The following CLUAP1 variants were observed in gnomAD, a reference collection of about 807,000 sequenced individuals.
The protein encoded by CLUAP1 is clusterin-associated protein 1.
A neutral mutation model predicts 55.0 loss-of-function variants in CLUAP1; 50 were observed. The observed-to-expected ratio is 0.91, with a 90% CI of 0.72 to 1.15. The LOEUF (loss-of-function observed/expected upper bound fraction) is 1.15. CLUAP1 is among the 50% of genes most tolerant of loss of function. The probability of loss-of-function intolerance (pLI) is 0.00; values close to 1 mark genes in which losing one functional copy is unlikely to be tolerated. For missense variants in CLUAP1, 530 were observed against 507.6 expected (o/e 1.04, Z -0.42); for synonymous variants, 195 against 175.4 (o/e 1.11, Z -0.88).
chr16:3,529,633 T>A (rs762409232), intron 9 of CLUAP1, among the ~76,000 whole-genome samples: 197 of 12,306 alleles, frequency 0.016, 8 homozygotes, highest in African/African-American at 0.056. Flanking sequence ...ATATTATATA[T>A]TATTATATAT....
At chr16:3,499,216 G>A (rs2037343168), upstream of CLUAP1, among the ~76,000 whole-genome samples, 1 of 152,220 alleles carries the variant, frequency 6.6e-6, no homozygotes, top group Non-Finnish European at 1.5e-5. Flanking sequence ...GCGGTGGCGC[G>A]CGTCTGTAAT....
chr16:3,533,489 G>C (rs904695131), intron 11 of CLUAP1: 20 of 310,192 alleles, frequency 6.4e-5, no homozygotes, highest in African/African-American at 4.2e-4. Flanking sequence ...ACTGTCCCCA[G>C]ACCAGGCCCT....
In CLUAP1 at chr16:3,538,646, G is replaced by A. The variant is rs1321372694; in HGVS notation, c.*2375G>A. The A allele has an allele frequency of 1.3e-5, 2 of 152,184 alleles. No individual in the cohort carries two copies. Among genetic ancestry groups the A allele is most frequent in the Non-Finnish European group, 2.9e-5 (2 of 68,050 alleles). The allele number at this position is 152,184 out of a possible 1,614,324, so 9.4% of individuals were successfully genotyped here. ...CAGACATAGGCAACAGCTCCAAAGG[G>A]TATTTCATTGTGTCACCTGCTTCTA... On this transcript the variant is annotated 3_prime_UTR_variant, in exon 12 of 12. Coordinates refer to ENST00000576634, the MANE Select transcript of CLUAP1 (RefSeq NM_015041.3).
chr16:3,498,863 AAAACAAAC>A (rs201830529), upstream of CLUAP1, among the ~76,000 whole-genome samples: 92 of 151,530 alleles, frequency 6.1e-4, no homozygotes, highest in African/African-American at 2.0e-3. Context: ...TCCATCTCAA[AAAACAAAC>A]AAACAAACAA....
chr16:3,523,658 T>G (rs1230543172), intron 8 of CLUAP1, among the ~76,000 whole-genome samples: 1 of 152,234 alleles, frequency 6.6e-6, no homozygotes, highest in African/African-American at 2.4e-5. Context: ...TGCATTTTAT[T>G]TTCCACTGAT....
chr16:3,503,422 C>T (rs2037445772), intron 1 of CLUAP1, among the ~76,000 whole-genome samples: 1 of 152,218 alleles, frequency 6.6e-6, no homozygotes, highest in South Asian at 2.1e-4. Flanking sequence ...CTCGGCCTCC[C>T]AGAGTGCTGG....
chr16:3,533,170 C>G, intron 11 of CLUAP1: 1 of 1,535,044 alleles, frequency 6.5e-7, no homozygotes, highest in African/African-American at 1.4e-5. Flanking sequence ...GTTTTCTGTT[C>G]TGCCTCATGT....
chr16:3,511,895 A>G (rs753356960), intron 4 of CLUAP1, among the ~76,000 whole-genome samples: 1 of 152,138 alleles, frequency 6.6e-6, no homozygotes, highest in Non-Finnish European at 1.5e-5. Flanking sequence ...CATGTTAAAA[A>G]TCTGTGGCTG....
chr16:3,513,034 A>T (rs1324775636), intron 5 of CLUAP1, among the ~76,000 whole-genome samples: 5 of 152,170 alleles, frequency 3.3e-5, no homozygotes, highest in Admixed American at 3.3e-4. Flanking sequence ...CATGTGACTG[A>T]GCTGTCCTTG....
At chr16:3,505,862 T>G (rs1449719255) in intron 2 of CLUAP1, among the ~76,000 whole-genome samples, 1 of 152,272 alleles carries the variant, frequency 6.6e-6, no homozygotes, top group African/African-American at 2.4e-5. Context: ...AGATCTCTAT[T>G]GCGTCTCTTC....
chr16:3,531,876 C>T (rs1010048158), intron 10 of CLUAP1, among the ~76,000 whole-genome samples: 1 of 151,490 alleles, frequency 6.6e-6, no homozygotes, highest in African/African-American at 2.4e-5. Context: ...CAAAGTCTCG[C>T]TCTTGGTCCC....
chr16:3,529,652 ATTATATATTATATATTAT>A (rs2038047776), intron 9 of CLUAP1, among the ~76,000 whole-genome samples: 1 of 21,042 alleles, frequency 4.8e-5, no homozygotes, highest in Non-Finnish European at 6.3e-5. Flanking sequence ...ATTATATATT[ATTATATATTATATATTAT>A]TATATATTAT....
chr16:3,504,390 C>A (rs1233174550), intron 1 of CLUAP1, among the ~76,000 whole-genome samples: 1 of 152,170 alleles, frequency 6.6e-6, no homozygotes, highest in Non-Finnish European at 1.5e-5. Context: ...TTCTTCATGA[C>A]ATTTTATAAG....
At chr16:3,514,740 G>C (rs1386481253) in intron 5 of CLUAP1, among the ~76,000 whole-genome samples, 1 of 152,172 alleles carries the variant, frequency 6.6e-6, no homozygotes, top group Admixed American at 6.5e-5. Flanking sequence ...CAGGGGTGAG[G>C]GATCTCCCCA....
intron 11 of CLUAP1, chr16:3,534,249 A>C (rs2038186981): frequency 6.6e-6 from 1 of 152,568 alleles, no homozygotes; most frequent in Non-Finnish European, 1.5e-5. Context: ...GGGAACAAGG[A>C]GGGGGTGGCG....
intron 6 of CLUAP1, among the ~76,000 whole-genome samples, chr16:3,519,572 C>T (rs765571384): frequency 2.8e-4 from 43 of 152,234 alleles, no homozygotes; most frequent in Non-Finnish European, 2.2e-4. Flanking sequence ...GAGTGATGTG[C>T]ACCTTGTTCT....
At chr16:3,532,651 C>A in intron 10 of CLUAP1, 135 bp from the exon 11 acceptor site, 2 of 837,116 alleles carry the variant, frequency 2.4e-6, no homozygotes, top group East Asian at 2.6e-5. Flanking sequence ...CTCCTGGCCT[C>A]CTGTCTCAGC....
intron 10 of CLUAP1, 118 bp from the exon 11 acceptor site, chr16:3,532,668 A>G (rs2038148924): frequency 1.9e-6 from 2 of 1,041,968 alleles, no homozygotes; most frequent in African/African-American, 1.6e-5. Context: ...CAGCCTCCCA[A>G]ATTCCTGGGA....
rs1596397648 is a variant in CLUAP1, at chr16:3,523,245, T to C, written c.801T>C (p.Thr267=). ...DTYLEKFQNL[T]YLEQQLEDHH... is the part of the protein sequence containing the mutation. ...ATCTGGAGAAATTTCAAAATCTGACTTATCTGGAACAACAGCTTGAAGACC... is the reference window on the plus strand; with the variant it reads ...ATCTGGAGAAATTTCAAAATCTGACCTATCTGGAACAACAGCTTGAAGACC... The change falls in exon 8 of 12, where the codon ACT becomes ACC. Residue 267 remains threonine, a synonymous_variant. Transcript: ENST00000576634. 1 of 1,613,982 alleles carries C rather than the reference T, an allele frequency of 6.2e-7. No individual in the cohort carries two copies. The highest frequency in any genetic ancestry group is 1.3e-5 in the African/African-American group (1 of 75,046).
Sources: allele counts gnomAD v4.1 joint callset (sites outside exome capture counted in the v4.1 genomes callset), GRCh38; gene constraint gnomAD v4.1.1; transcripts MANE v1.5; gene names NCBI Gene and HGNC (gene_info 2026-07-23, HGNC 2026-07-21).